EYS: variants seen among roughly 807,000 people sequenced by gnomAD.
The protein encoded by EYS is EGF-like photoreceptor maintenance factor.
A neutral mutation model predicts 282.1 loss-of-function variants in EYS; 250 were observed. The ratio of observed to expected loss-of-function variants is 0.89; its 90% CI spans 0.80 to 0.98. The LOEUF (loss-of-function observed/expected upper bound fraction) is 0.98. Among genes scored for constraint, EYS ranks in the 50% least tolerant of loss-of-function variants. The pLI is 0.00. For missense variants in EYS, 4,016 were observed against 3,709.0 expected (o/e 1.08, Z -2.15); for synonymous variants, 1,355 against 1,282.9 (o/e 1.06, Z -1.20).
At chr6:64,234,028 A>G (rs768793776) in intron 30 of EYS, among the ~76,000 whole-genome samples, 5 of 152,174 alleles carry the variant, frequency 3.3e-5, no homozygotes, top group Non-Finnish European at 7.4e-5. Flanking sequence ...TCACACAGAT[A>G]TGTGCCTACG....
intron 12 of EYS, among the ~76,000 whole-genome samples, chr6:65,064,249 GAT>G (rs1308485267): frequency 7.2e-5 from 9 of 125,510 alleles, no homozygotes; most frequent in African/African-American, 3.0e-4. Flanking sequence ...TGATATATAT[GAT>G]ATATATATCA....
At chr6:64,233,769 A>C (rs1282871708) in intron 30 of EYS, among the ~76,000 whole-genome samples, 1 of 152,178 alleles carries the variant, frequency 6.6e-6, no homozygotes, top group Non-Finnish European at 1.5e-5. Context: ...TGGATTCAAA[A>C]CCAAACTTGA....
intron 2 of EYS, among the ~76,000 whole-genome samples, chr6:65,572,642 C>G (rs993116561): frequency 6.6e-6 from 1 of 152,044 alleles, no homozygotes; most frequent in Non-Finnish European, 1.5e-5. Context: ...ACAGGCGATA[C>G]CATGTAGTCT....
chr6:64,645,409 T>C (rs1053224509), intron 22 of EYS, among the ~76,000 whole-genome samples: 1 of 152,208 alleles, frequency 6.6e-6, no homozygotes, highest in Non-Finnish European at 1.5e-5. Flanking sequence ...GGATCTGAAA[T>C]TGACTTCATG....
intron 36 of EYS, among the ~76,000 whole-genome samples, chr6:63,826,845 C>G (rs1343986197): frequency 1.3e-5 from 1 of 76,762 alleles, no homozygotes; most frequent in East Asian, 4.1e-4. Flanking sequence ...AGTTAAAAAG[C>G]AAAAAAAAAA....
At chr6:63,880,740 G>T (rs542591724) in intron 35 of EYS, among the ~76,000 whole-genome samples, 2 of 152,168 alleles carry the variant, frequency 1.3e-5, no homozygotes, top group South Asian at 4.2e-4. Flanking sequence ...CCTGAAAGGG[G>T]TAATTTCAGT....
chr6:65,434,148 G>A lies in EYS; in HGVS notation c.863-28781C>T, dbSNP rs145230007. ...AGTGAATAGTGCAGCATAGTGCTGA[G>A]AGCCCTCAAGAACTAAGCTTTGCTA... On this transcript the variant is annotated intron_variant, in intron 5 of 42. Transcript: ENST00000503581. Among the ~76,000 whole-genome samples the A allele has an allele frequency of 9.0e-3, 1,366 of 152,306 alleles. 17 individuals carry two copies. The highest frequency in any genetic ancestry group is 0.039 in the South Asian group (187 of 4,830).
At chr6:64,595,674 G>T (rs568899929) in intron 24 of EYS, among the ~76,000 whole-genome samples, 1 of 152,148 alleles carries the variant, frequency 6.6e-6, no homozygotes, top group South Asian at 2.1e-4. Flanking sequence ...AATTAAAAAT[G>T]CAATCCCAGT....
intron 28 of EYS, among the ~76,000 whole-genome samples, chr6:64,421,873 G>A (rs1022049902): frequency 3.3e-5 from 5 of 151,072 alleles, no homozygotes; most frequent in Admixed American, 6.6e-5. Context: ...GTGTGTGTGT[G>A]TGTGTGTGTG....
At chr6:64,839,221 C>G (rs989432446) in intron 19 of EYS, among the ~76,000 whole-genome samples, 1 of 151,926 alleles carries the variant, frequency 6.6e-6, no homozygotes, top group Non-Finnish European at 1.5e-5. Flanking sequence ...GAAAATCGAT[C>G]ACTTCATTTT....
At chr6:65,363,810 C>T (rs549683195) in intron 8 of EYS, among the ~76,000 whole-genome samples, 99 of 151,646 alleles carry the variant, frequency 6.5e-4, no homozygotes, top group Non-Finnish European at 5.3e-4. Context: ...TGTATGTGAA[C>T]TAAATTTTCC....
chr6:64,459,926 C>G (rs900849850), intron 26 of EYS, among the ~76,000 whole-genome samples: 4 of 150,342 alleles, frequency 2.7e-5, no homozygotes, highest in Non-Finnish European at 4.4e-5. Flanking sequence ...ACCATCACAT[C>G]TCCTGACCAA....
Position 65,702,139 on chromosome 6 carries a change from CG to C in EYS, c.-448+4995del, listed in dbSNP as rs1582619913. ...CTCAATGGCTCTCAGTTATTTCTTC[CG>C]TGTTTTGGAGAGAATATTTCTCTAC... On this transcript the variant is annotated intron_variant, in intron 1 of 42. Transcript: ENST00000503581. Among the ~76,000 whole-genome samples, 4 of 152,240 alleles carry C rather than the reference CG, an allele frequency of 2.6e-5. No homozygotes were observed. In the East Asian group the frequency reaches 7.7e-4, roughly 29 times the overall value.
At chr6:64,930,369 A>G (rs1478061100) in intron 15 of EYS, among the ~76,000 whole-genome samples, 1 of 151,152 alleles carries the variant, frequency 6.6e-6, no homozygotes, top group African/African-American at 2.4e-5. Context: ...TTAAAGATAG[A>G]TATTGTGCCA....
intron 30 of EYS, among the ~76,000 whole-genome samples, chr6:64,296,541 AAT>A (rs1211614579): frequency 2.2e-3 from 34 of 15,694 alleles, no homozygotes; most frequent in Middle Eastern, 0.045. Context: ...GTACTGGCAG[AAT>A]ATATATATAT....
chr6:64,981,957 G>A (rs1770683689), intron 14 of EYS, among the ~76,000 whole-genome samples: 1 of 151,348 alleles, frequency 6.6e-6, no homozygotes, highest in African/African-American at 2.4e-5. Flanking sequence ...GTACCTCACT[G>A]TAGGAAGGGT....
At chr6:65,014,120 T>G (rs993045530) in intron 13 of EYS, among the ~76,000 whole-genome samples, 3 of 152,152 alleles carry the variant, frequency 2.0e-5, no homozygotes, top group Non-Finnish European at 4.4e-5. Context: ...AGATAGGGAA[T>G]GGCATCTGGT....
At chr6:64,386,115 T>A (rs1159230709) in intron 29 of EYS, among the ~76,000 whole-genome samples, 1 of 152,178 alleles carries the variant, frequency 6.6e-6, no homozygotes, top group Non-Finnish European at 1.5e-5. Context: ...TTCAAATGAC[T>A]TGTGCCTCAC....
intron 22 of EYS, among the ~76,000 whole-genome samples, chr6:64,804,091 C>T (rs1583175125): frequency 6.6e-6 from 1 of 152,016 alleles, no homozygotes; most frequent in African/African-American, 2.4e-5. Context: ...AGTGGCTGGT[C>T]CAGATGGGCC....
Sources: gnomAD v4.1 joint callset for allele counts (sites outside exome capture counted in the v4.1 genomes callset) on GRCh38, gnomAD v4.1.1 for gene constraint, MANE v1.5 for transcripts, NCBI Gene and HGNC (gene_info 2026-07-23, HGNC 2026-07-21) for gene names.